Variants in FBH1 observed in about 807,000 individuals in gnomAD.
FBH1 encodes the protein DNA 3'-5' helicase 1.
Under a neutral mutation model 115.5 loss-of-function variants are expected in FBH1, and 43 were observed. That is an observed-to-expected ratio of 0.37 (90% CI 0.29 to 0.48). The LOEUF is 0.48. FBH1 is among the 20% of genes least tolerant of loss of function. The probability of loss-of-function intolerance (pLI) is 0.99; values close to 1 mark genes in which losing one functional copy is unlikely to be tolerated. For missense variants in FBH1, 1,001 were observed against 1,337.3 expected (o/e 0.75, Z 3.92); for synonymous variants, 524 against 507.8 (o/e 1.03, Z -0.43).
In FBH1 at chr10:5,917,138, A is replaced by G. The variant is rs1832012708; in HGVS notation, c.1789-282A>G. The G allele has an allele frequency of 2.5e-6, 1 of 407,236 alleles. No individual in the cohort carries two copies. Among genetic ancestry groups the G allele is most frequent in the Non-Finnish European group, 4.5e-6 (1 of 221,790 alleles). The allele number at this position is 407,236 out of a possible 1,614,324, so 25.2% of individuals were successfully genotyped here. On this transcript the variant is annotated intron_variant, in intron 10 of 20. Coordinates refer to ENST00000362091, the MANE Select transcript of FBH1 (RefSeq NM_178150.3). This position sits in a 1 kb window ranked among gnomAD's most constrained non-coding sequence, Gnocchi z 5.6. ...TTTTTGTGAATTAAGCATCAGTCAT[A>G]AATCTAGAAGAACAATTTGGCCTTT...
intron 1 of FBH1, chr10:5,894,035 T>G (rs928645682): frequency 5.8e-5 from 57 of 985,244 alleles, no homozygotes; most frequent in Middle Eastern, 5.2e-4. Context: ...ACGAGTGCTG[T>G]CTCCAAGGGA....
chr10:5,917,767 T>G lies in FBH1; in HGVS notation c.1963+91T>G, dbSNP rs778012378. ...GGACACCTGTGTGAACTAAGTTGAT[T>G]ATTATTATTTGTGATAAAGAAGAGG... is the stretch of plus-strand genomic sequence containing the variant. On this transcript the variant is annotated intron_variant, in intron 12 of 20. Transcript: ENST00000362091. This position sits in a 1 kb window ranked among gnomAD's most constrained non-coding sequence, Gnocchi z 5.6. The G allele has an allele frequency of 2.6e-5, 26 of 985,860 alleles. No homozygotes were observed. The highest frequency in any genetic ancestry group is 3.6e-5 in the Non-Finnish European group (23 of 645,058). 61.1% of individuals were successfully genotyped at this position (985,860 alleles called of 1,614,324 possible).
Position 5,937,004 on chromosome 10 carries a change from A to C in FBH1, c.2962-106A>C. 4.7e-6 allele frequency: 6 copies of C among 1,289,286 alleles called. No individual in the cohort carries two copies. The South Asian group carries it at 9.6e-5, about 21-fold the overall frequency. 79.9% of individuals were successfully genotyped at this position (1,289,286 alleles called of 1,614,324 possible). A position where few individuals can be genotyped will look rare whatever the true frequency, so the allele number is the denominator to read the frequency against. ...ACCCCTCTGAAAACATCAGAATCCA[A>C]ATGCGTTGTCCCTGGGCAGCTGTGA... On this transcript the variant is annotated intron_variant, in intron 20 of 20. Transcript: ENST00000362091.
chr10:5,917,537 C>T lies in FBH1; in HGVS notation c.1876+30C>T, dbSNP rs1479995371. 2 of 1,612,942 alleles carry T rather than the reference C, an allele frequency of 1.2e-6. No homozygotes were observed. Among genetic ancestry groups the T allele is most frequent in the South Asian group, 1.1e-5 (1 of 91,044 alleles). On this transcript the variant is annotated intron_variant, in intron 11 of 20. Transcript: ENST00000362091. The surrounding 1 kb of genome is among the most constrained non-coding windows in gnomAD (Gnocchi z 5.6). ...GCGGCTGCCGAATGGCGGGGACTGG[C>T]CAATGGGACTGCCTTCCTGGCGTTA...
At position 5,915,606 on chromosome 10, in the gene FBH1, C is replaced by G. The variant is rs1831876774; in HGVS notation, c.1565+35C>G. 5 of 1,600,508 alleles carry G rather than the reference C, an allele frequency of 3.1e-6. No homozygotes were observed. The highest frequency in any genetic ancestry group is 4.3e-6 in the Non-Finnish European group (5 of 1,169,636). ...GCTGTCACTAGTGGCACTGTTGCTG[C>G]TGGCACGGTCGCGTCTTACTGTTTT... is the stretch of plus-strand genomic sequence containing the variant. On this transcript the variant is annotated intron_variant, in intron 9 of 20. Transcript: ENST00000362091. This position sits in a 1 kb window ranked among gnomAD's most constrained non-coding sequence, Gnocchi z 5.2.
rs1438454565 is a variant in FBH1 at position 5,921,380 on chromosome 10, T to C, written c.2200+23T>C. On this transcript the variant is annotated intron_variant, in intron 14 of 20. Coordinates refer to ENST00000362091, the MANE Select transcript of FBH1 (RefSeq NM_178150.3). The surrounding 1 kb of genome is among the most constrained non-coding windows in gnomAD (Gnocchi z 6.4). ...AGAGTAAGGCTTTTAGTTACTCTTC[T>C]CTTTTGTGTTACAAAAGTTTTCCTC... is the stretch of plus-strand genomic sequence containing the variant. 2.5e-6 allele frequency: 4 copies of C among 1,611,020 alleles called. No homozygotes were observed. The highest frequency in any genetic ancestry group is 3.4e-6 in the Non-Finnish European group (4 of 1,179,316).
chr10:5,894,955 T>C, intron 1 of FBH1: 1 of 1,457,636 alleles, frequency 6.9e-7, no homozygotes, highest in Non-Finnish European at 9.3e-7. Context: ...GGCGGTTTTA[T>C]TCCTGCGAAG....
At chr10:5,908,187 G>A (rs1476448887) in intron 3 of FBH1, among the ~76,000 whole-genome samples, 1 of 152,092 alleles carries the variant, frequency 6.6e-6, no homozygotes, top group East Asian at 1.9e-4. Context: ...ATATTTAGGA[G>A]CTCTAATGTG....
rs1462758045 is a variant in FBH1, at chr10:5,890,271, G to C, written c.-75G>C. On this transcript the variant is annotated 5_prime_UTR_variant, in exon 1 of 21. Transcript: ENST00000362091. ...CCGGCCAGAGGAGGAGCTCGCTGCC[G>C]GGGGACGCTGGGCTGAGCGGCCGGC... 17 of 369,178 alleles carry C rather than the reference G, an allele frequency of 4.6e-5. No homozygotes were observed. Among genetic ancestry groups the C allele is most frequent in the Non-Finnish European group, 8.6e-5 (17 of 197,602 alleles). 22.9% of individuals were successfully genotyped at this position (369,178 alleles called of 1,614,324 possible). A position where few individuals can be genotyped will look rare whatever the true frequency, so the allele number is the denominator to read the frequency against.
In FBH1 at chr10:5,914,279, C is replaced by A. The variant is rs1205111069; in HGVS notation, c.1396+10C>A. ...ATTATGGCCTTTGCCGGTAAGGGAG[C>A]CCACATCAGGTTCACGAGGTGGTGG... On this transcript the variant is annotated intron_variant, in intron 8 of 20. Coordinates refer to ENST00000362091, the MANE Select transcript of FBH1 (RefSeq NM_178150.3). This position sits in a 1 kb window ranked among gnomAD's most constrained non-coding sequence, Gnocchi z 5.2. The A allele has an allele frequency of 1.9e-6, 3 of 1,612,588 alleles. No individual in the cohort carries two copies. The African/African-American group carries it at 4.0e-5, about 22-fold the overall frequency.
intron 1 of FBH1, among the ~76,000 whole-genome samples, chr10:5,892,332 GGTTTC>G (rs1177363605): frequency 3.9e-5 from 6 of 152,152 alleles, no homozygotes. Flanking sequence ...TCATTTGACA[GGTTTC>G]GTGATTTGTG....
In FBH1 at chr10:5,900,128, A is replaced by C. The variant is rs988671169; in HGVS notation, c.2-2892A>C. Among the ~76,000 whole-genome samples, 3 of 152,358 alleles carry C rather than the reference A, an allele frequency of 2.0e-5. No homozygotes were observed. The East Asian group carries it at 5.8e-4, about 29-fold the overall frequency. ...CAGAATTGGCTGTATTTGGGCTGCTAATACACTTCCTGCTTTGCCATTAGG... is the reference window on the plus strand; with the variant it reads ...CAGAATTGGCTGTATTTGGGCTGCTCATACACTTCCTGCTTTGCCATTAGG... On this transcript the variant is annotated intron_variant, in intron 1 of 20. Transcript: ENST00000362091. This position sits in a 1 kb window ranked among gnomAD's most constrained non-coding sequence, Gnocchi z 4.2.
rs1832404664 is a variant in FBH1 at position 5,923,055 on chromosome 10, G to C, written c.2323-566G>C. Among the ~76,000 whole-genome samples, 2 of 152,074 alleles carry C rather than the reference G, an allele frequency of 1.3e-5. No homozygotes were observed. The highest frequency in any genetic ancestry group is 6.6e-5 in the Admixed American group (1 of 15,262). On this transcript the variant is annotated intron_variant, in intron 15 of 20. Coordinates refer to ENST00000362091, the MANE Select transcript of FBH1 (RefSeq NM_178150.3). This position sits in a 1 kb window ranked among gnomAD's most constrained non-coding sequence, Gnocchi z 5.7. ...CTGCCACCACACCCGGCTAATTTTT[G>C]TATTTTTGGTAGAGACGGGGTTTCA...
Position 5,923,161 on chromosome 10 carries a change from G to A in FBH1, c.2323-460G>A, listed in dbSNP as rs946703711. ...GCCTCCCAAAGTGCTGGGATTACAG[G>A]CATGAGCCACTGCGCCTGGCCTGTA... On this transcript the variant is annotated intron_variant, in intron 15 of 20. Coordinates refer to ENST00000362091, the MANE Select transcript of FBH1 (RefSeq NM_178150.3). This position sits in a 1 kb window ranked among gnomAD's most constrained non-coding sequence, Gnocchi z 5.7. Among the ~76,000 whole-genome samples the A allele has an allele frequency of 6.6e-6, 1 of 152,190 alleles. No homozygotes were observed. The highest frequency in any genetic ancestry group is 1.5e-5 in the Non-Finnish European group (1 of 68,032).
chr10:5,913,026 G>A lies in FBH1; in HGVS notation c.1212-721G>A, dbSNP rs567967859. ...TCTGGGGATGGGGGGCAGTGCACTC[G>A]ATTGTTGGGGGAGCGAGTCCAAGCT... is the stretch of plus-strand genomic sequence containing the variant. On this transcript the variant is annotated intron_variant, in intron 6 of 20. Coordinates refer to ENST00000362091, the MANE Select transcript of FBH1 (RefSeq NM_178150.3). The surrounding 1 kb of genome is among the most constrained non-coding windows in gnomAD (Gnocchi z 4.4). Among the ~76,000 whole-genome samples the A allele has an allele frequency of 1.3e-5, 2 of 152,262 alleles. No homozygotes were observed. Among genetic ancestry groups the A allele is most frequent in the Admixed American group, 6.5e-5 (1 of 15,294 alleles).
At position 5,921,679 on chromosome 10, in the gene FBH1, T is replaced by C. The variant is rs1589100615; in HGVS notation, c.2322+110T>C. 1.4e-6 allele frequency: 2 copies of C among 1,414,530 alleles called. No individual in the cohort carries two copies. The highest frequency in any genetic ancestry group is 9.5e-7 in the Non-Finnish European group (1 of 1,054,332). The allele number at this position is 1,414,530 out of a possible 1,614,324, so 87.6% of individuals were successfully genotyped here. On this transcript the variant is annotated intron_variant, in intron 15 of 20. Transcript: ENST00000362091. The surrounding 1 kb of genome is among the most constrained non-coding windows in gnomAD (Gnocchi z 6.4). ...ATTATCATGCAAGAAAGCATTTGGG[T>C]TTTTGACTCTTTCCACCAGGCTGCA...
chr10:5,906,563 G>A lies in FBH1; in HGVS notation c.684G>A (p.Pro228=), dbSNP rs779474513. 3.0e-5 allele frequency: 49 copies of A among 1,613,910 alleles called. 1 individual carries two copies. Among genetic ancestry groups the A allele is most frequent in the South Asian group, 1.2e-4 (11 of 91,080 alleles). Residue 228 remains proline (P), a synonymous_variant, in exon 3 of 21, where the codon CCG becomes CCA. Transcript: ENST00000362091. This position sits in a 1 kb window ranked among gnomAD's most constrained non-coding sequence, Gnocchi z 7.3. ...TGAGGCACGTGTTTGCCTTCCTCCC[G>A]GTGGAAGACCTCTATTGGAACCTGA... ...EVLRHVFAFL[P]VEDLYWNLSL...
At chr10:5,920,173 A>G (rs1229849257) in intron 13 of FBH1, among the ~76,000 whole-genome samples, 1 of 152,192 alleles carries the variant, frequency 6.6e-6, no homozygotes, top group Non-Finnish European at 1.5e-5. Context: ...CCAGTCAGGC[A>G]TTTGTAGGCT....
At chr10:5,904,905 A>C (rs897893904) in intron 2 of FBH1, among the ~76,000 whole-genome samples, 5 of 152,174 alleles carry the variant, frequency 3.3e-5, no homozygotes, top group Admixed American at 6.5e-5. Flanking sequence ...TAAAGGCTAA[A>C]CCGAGTTTCA....
Sources: allele counts gnomAD v4.1 joint callset (sites outside exome capture counted in the v4.1 genomes callset), GRCh38; gene constraint gnomAD v4.1.1; non-coding constraint Gnocchi (gnomAD v3.1); transcripts MANE v1.5; gene names NCBI Gene and HGNC (gene_info 2026-07-23, HGNC 2026-07-21).